F10: variants seen among roughly 807,000 people sequenced by gnomAD.
F10 encodes the protein Stuart-Prower factor.
In F10, 29 loss-of-function variants were observed where a neutral mutation model predicts 37.1. The ratio of observed to expected loss-of-function variants is 0.78; its 90% CI spans 0.58 to 1.07. F10 has a LOEUF of 1.07. Ranked by LOEUF, F10 falls within the 50% of genes least tolerant of loss-of-function variation. The probability of loss-of-function intolerance (pLI) is 0.00; values close to 1 mark genes in which losing one functional copy is unlikely to be tolerated. For synonymous variants in F10, 262 were observed against 268.6 expected, an observed-to-expected ratio of 0.98 and a Z score of 0.24; for missense variants, 539 against 667.9, an observed-to-expected ratio of 0.81 and a Z score of 2.13.
rs1269494924 is a variant in F10, at chr13:113,149,460, C to T, written c.1410C>T (p.Gly470=). ...TCGACAGGTCCATGAAAACCAGGGG[C>T]TTGCCCAAGGCCAAGAGCCATGCCC... The part of the protein sequence containing the change: ...KWIDRSMKTR[G]LPKAKSHAPE... Residue 470 remains glycine (G), a synonymous_variant, in exon 8 of 8, where the codon GGC becomes GGT. Coordinates refer to ENST00000375559, the MANE Select transcript of F10 (RefSeq NM_000504.4). The surrounding 1 kb of genome is among the most constrained non-coding windows in gnomAD (Gnocchi z 7.5). The T allele has an allele frequency of 6.2e-7, 1 of 1,613,352 alleles. No individual in the cohort carries two copies. Among genetic ancestry groups the T allele is most frequent in the South Asian group, 1.1e-5 (1 of 91,078 alleles).
At chr13:113,138,430 A>G (rs1351332837) in intron 2 of F10, 27 bp from the exon 3 acceptor site, 1 of 1,108,578 alleles carries the variant, frequency 9.0e-7, no homozygotes. Context: ...TCCCTAATAT[A>G]TTTTTAAATT....
At position 113,146,059 on chromosome 13, in the gene F10, TC is replaced by T. The variant is rs1451910060; in HGVS notation, c.748-1319del. On this transcript the variant is annotated intron_variant, in intron 6 of 7. Coordinates refer to ENST00000375559, the MANE Select transcript of F10 (RefSeq NM_000504.4). The surrounding 1 kb of genome is among the most constrained non-coding windows in gnomAD (Gnocchi z 4.5). The stretch of plus-strand genomic sequence containing the variant: ...CAGCGCCCCCATGAATTCCCCCAGG[TC>T]TTCCCCCACCCCAGACCGTGTGGCG... Among the ~76,000 whole-genome samples the T allele has an allele frequency of 6.6e-6, 1 of 152,118 alleles. No homozygotes were observed. Among genetic ancestry groups the T allele is most frequent in the Non-Finnish European group, 1.5e-5 (1 of 68,018 alleles).
intron 1 of F10, among the ~76,000 whole-genome samples, chr13:113,125,573 A>T (rs2036362640): frequency 6.6e-6 from 1 of 152,160 alleles, no homozygotes; most frequent in South Asian, 2.1e-4. Context: ...GTGCCTAAAA[A>T]CCTTGTTTTA....
chr13:113,123,083 C>T (rs781444008), intron 1 of F10, among the ~76,000 whole-genome samples, 158 bp downstream of exon 1: 27 of 152,274 alleles, frequency 1.8e-4, no homozygotes, highest in African/African-American at 5.8e-4. Context: ...TTCCAGCCAA[C>T]GGCATCCTCA....
At chr13:113,129,879 CAG>C (rs1476172567) in intron 2 of F10, 3 of 519,658 alleles carry the variant, frequency 5.8e-6, no homozygotes, top group East Asian at 7.0e-5. Flanking sequence ...GGGCTTCTGC[CAG>C]AGTTAAGTTC....
chr13:113,143,709 T>TTA lies in F10; in HGVS notation c.503-142_503-141insTA. On this transcript the variant is annotated intron_variant, in intron 5 of 7. Transcript: ENST00000375559. The surrounding 1 kb of genome is among the most constrained non-coding windows in gnomAD (Gnocchi z 6.8). Reference sequence around the variant, plus strand: ...CGACCCCTGCCGACGACGTGGGGCCTCGCCCTGCAAGCCCGCTGCCCCTCC... The same window carrying TTA: ...CGACCCCTGCCGACGACGTGGGGCCTTACGCCCTGCAAGCCCGCTGCCCCTCC... 80 of 1,311,280 alleles carry TTA rather than the reference T, an allele frequency of 6.1e-5. No homozygotes were observed. The highest frequency in any genetic ancestry group is 2.4e-4 in the South Asian group (18 of 75,258). 81.2% of individuals were successfully genotyped at this position (1,311,280 alleles called of 1,614,324 possible).
chr13:113,138,600 T>C, intron 3 of F10, 119 bp downstream of exon 3: 1 of 714,840 alleles, frequency 1.4e-6, no homozygotes, highest in Non-Finnish European at 2.5e-6. Context: ...TTTAAGACTT[T>C]TTCCCTCAGG....
intron 1 of F10, 47 bp from the exon 2 acceptor site, chr13:113,129,405 G>A (rs2036404034): frequency 6.2e-7 from 1 of 1,611,422 alleles, no homozygotes; most frequent in African/African-American, 1.3e-5. Context: ...GGGGGAGCCT[G>A]GGTGAGGGTG....
chr13:113,149,210 G>A lies in F10; in HGVS notation c.1160G>A (p.Arg387His), dbSNP rs1254004898. The A allele has an allele frequency of 1.2e-6, 2 of 1,612,986 alleles. No individual in the cohort carries two copies. Among genetic ancestry groups the A allele is most frequent in the Non-Finnish European group, 1.7e-6 (2 of 1,179,990 alleles). Residue 387 changes from arginine to histidine, a missense_variant, in exon 8 of 8, where the codon CGC (arginine) becomes CAC (histidine). By Grantham distance (29) the Arg-to-His change is conservative. Coordinates refer to ENST00000375559, the MANE Select transcript of F10 (RefSeq NM_000504.4). The surrounding 1 kb of genome is among the most constrained non-coding windows in gnomAD (Gnocchi z 7.5). ...LKMLEVPYVD[R>H]NSCKLSSSFI... is the part of the protein sequence containing the mutation. ...ATGCTGGAGGTGCCCTACGTGGACC[G>A]CAACAGCTGCAAGCTGTCCAGCAGC...
At chr13:113,127,815 C>A (rs1407986791) in intron 1 of F10, among the ~76,000 whole-genome samples, 1 of 152,168 alleles carries the variant, frequency 6.6e-6, no homozygotes, top group Non-Finnish European at 1.5e-5. Flanking sequence ...CCAATCCCCA[C>A]ATAACAAAGA....
rs754180669 is a variant in F10 at position 113,141,172 on chromosome 13, C to T, written c.502+122C>T. 4 of 1,406,136 alleles carry T rather than the reference C, an allele frequency of 2.8e-6. No individual in the cohort carries two copies. Among genetic ancestry groups the T allele is most frequent in the Non-Finnish European group, 3.9e-6 (4 of 1,026,272 alleles). 87.1% of individuals were successfully genotyped at this position (1,406,136 alleles called of 1,614,324 possible). On this transcript the variant is annotated intron_variant, in intron 5 of 7. Transcript: ENST00000375559. This position sits in a 1 kb window ranked among gnomAD's most constrained non-coding sequence, Gnocchi z 5.4. ...GCGGGCCTGGCAGGTAACAGTGACA[C>T]CAAGAGGACAGGACTGAGCCCTGGG...
chr13:113,144,997 GC>G lies in F10; in HGVS notation c.747+904del, dbSNP rs2036568076. 6.6e-6 allele frequency among the ~76,000 whole-genome samples: 1 copy of G among 152,078 alleles called. No individual in the cohort carries two copies. Among genetic ancestry groups the G allele is most frequent in the Non-Finnish European group, 1.5e-5 (1 of 68,020 alleles). On this transcript the variant is annotated intron_variant, in intron 6 of 7. Transcript: ENST00000375559. The surrounding 1 kb of genome is among the most constrained non-coding windows in gnomAD (Gnocchi z 6.4). ...AGGTTCATGTCATTCTCCTGCTTCA[GC>G]CTCCCGAGTAGCTGGGACTACAGGC...
At chr13:113,135,557 C>T (rs187537944) in intron 2 of F10, among the ~76,000 whole-genome samples, 1 of 152,314 alleles carries the variant, frequency 6.6e-6, no homozygotes. Flanking sequence ...TAATCCTATT[C>T]ACAAGGGCAG....
chr13:113,126,856 T>C (rs964013221), intron 1 of F10, among the ~76,000 whole-genome samples: 1 of 152,194 alleles, frequency 6.6e-6, no homozygotes, highest in Non-Finnish European at 1.5e-5. Flanking sequence ...GAGATGGGCA[T>C]TCCCCACCCC....
Position 113,149,295 on chromosome 13 carries a change from C to T in F10, c.1245C>T (p.Cys415=), listed in dbSNP as rs2036617068. ...ACGACACCAAGCAGGAGGATGCCTG[C>T]CAGGGGGACAGCGGGGGCCCGCACG... ...AGYDTKQEDA[C]QGDSGGPHVT... Residue 415 remains cysteine, a synonymous_variant, in exon 8 of 8, where the codon TGC becomes TGT. Transcript: ENST00000375559. The surrounding 1 kb of genome is among the most constrained non-coding windows in gnomAD (Gnocchi z 7.5). 1 of 1,613,218 alleles carries T rather than the reference C, an allele frequency of 6.2e-7. No individual in the cohort carries two copies. The highest frequency in any genetic ancestry group is 8.5e-7 in the Non-Finnish European group (1 of 1,180,030).
At chr13:113,126,757 C>A (rs774340331) in intron 1 of F10, among the ~76,000 whole-genome samples, 24 of 152,198 alleles carry the variant, frequency 1.6e-4, no homozygotes, top group Non-Finnish European at 2.9e-4. Flanking sequence ...AGGAGGCCCG[C>A]GAGTCCCAGT....
At chr13:113,124,520 C>A (rs2036352324) in intron 1 of F10, among the ~76,000 whole-genome samples, 1 of 152,250 alleles carries the variant, frequency 6.6e-6, no homozygotes, top group African/African-American at 2.4e-5. Context: ...CCATCTCTCT[C>A]CCCTACTCTG....
In F10 at chr13:113,122,906, C is replaced by G; in HGVS notation, c.51C>G (p.Leu17=). 2 of 1,610,460 alleles carry G rather than the reference C, an allele frequency of 1.2e-6. No individual in the cohort carries two copies. Among genetic ancestry groups the G allele is most frequent in the Middle Eastern group, 1.7e-4 (1 of 6,056 alleles). The change falls in exon 1 of 8, where the codon CTC becomes CTG. Residue 17 remains leucine (L), a synonymous_variant. Transcript: ENST00000375559. ...LVLLSASLAG[L]LLLGESLFIR... ...TGCTCAGTGCCTCCCTGGCTGGCCT[C>G]CTGCTGCTCGGGGAAAGTCGTAAGT...
intron 2 of F10, among the ~76,000 whole-genome samples, chr13:113,133,938 G>A (rs2036456084): frequency 6.6e-6 from 1 of 152,116 alleles, no homozygotes; most frequent in Non-Finnish European, 1.5e-5. Context: ...CATGTCAATT[G>A]ATGCAACAAA....
Sources: allele counts gnomAD v4.1 joint callset (sites outside exome capture counted in the v4.1 genomes callset), GRCh38; gene constraint gnomAD v4.1.1; non-coding constraint Gnocchi (gnomAD v3.1); transcripts MANE v1.5; gene names NCBI Gene and HGNC (gene_info 2026-07-23, HGNC 2026-07-21).